The following PCBP3 variants were observed in gnomAD, a reference collection of about 807,000 sequenced individuals.
PCBP3 encodes poly(rC) binding protein 3, also known as poly(rC)-binding protein 3.
In PCBP3, 25 loss-of-function variants were observed where a neutral mutation model predicts 52.7. The observed-to-expected ratio is 0.47, with a 90% CI of 0.35 to 0.66. PCBP3 has a LOEUF of 0.66. Ranked by LOEUF, PCBP3 falls within the 30% of genes least tolerant of loss-of-function variation. PCBP3 has a pLI of 0.01. For synonymous variants in PCBP3, 162 were observed against 183.0 expected, an observed-to-expected ratio of 0.89 and a Z score of 0.93; for missense variants, 391 against 490.3, an observed-to-expected ratio of 0.80 and a Z score of 1.91.
intron 15 of PCBP3, among the ~76,000 whole-genome samples, chr21:45,932,877 G>A (rs1321024252): frequency 1.4e-5 from 2 of 147,092 alleles, no homozygotes; most frequent in East Asian, 4.2e-4. Flanking sequence ...ATGGACACCT[G>A]GTCCATGCCG....
At chr21:45,716,748 TG>T (rs2084252588) in intron 2 of PCBP3, among the ~76,000 whole-genome samples, 1 of 152,176 alleles carries the variant, frequency 6.6e-6, no homozygotes, top group African/African-American at 2.4e-5. Context: ...CATATGACAA[TG>T]TATTGAGTGC....
chr21:45,718,744 T>G (rs1205535330), intron 2 of PCBP3, among the ~76,000 whole-genome samples: 3 of 152,200 alleles, frequency 2.0e-5, no homozygotes, highest in African/African-American at 7.2e-5. Context: ...CTCATTGCTT[T>G]TATGGAGAGG....
chr21:45,701,830 G>T (rs770073101), intron 2 of PCBP3, among the ~76,000 whole-genome samples: 7 of 152,144 alleles, frequency 4.6e-5, no homozygotes, highest in African/African-American at 9.7e-5. Flanking sequence ...AAAGTTCTGG[G>T]ATTACAGGCA....
At chr21:45,907,628 A>T (rs7277632) in intron 9 of PCBP3, among the ~76,000 whole-genome samples, 2 of 152,038 alleles carry the variant, frequency 1.3e-5, no homozygotes, top group Non-Finnish European at 2.9e-5. Flanking sequence ...ATGTGCAACC[A>T]AAAGAATTCT....
chr21:45,764,226 G>T (rs2089048832), intron 4 of PCBP3, among the ~76,000 whole-genome samples: 1 of 151,576 alleles, frequency 6.6e-6, no homozygotes, highest in Admixed American at 6.6e-5. Flanking sequence ...GGGTTCAAGC[G>T]ATTCTCCTGC....
At chr21:45,898,956 T>C (rs1237377790) in intron 6 of PCBP3, among the ~76,000 whole-genome samples, 3 of 151,784 alleles carry the variant, frequency 2.0e-5, no homozygotes, top group African/African-American at 2.4e-5. Flanking sequence ...CACGGGCCCC[T>C]CTGCATGCCG....
chr21:45,911,630 T>TA (rs1249446300), intron 11 of PCBP3, among the ~76,000 whole-genome samples: 4 of 152,114 alleles, frequency 2.6e-5, no homozygotes, highest in African/African-American at 9.7e-5. Context: ...CTCAGAAGTA[T>TA]ACTCAAAATT....
At chr21:45,660,227 TTGTC>T (rs1056381702) in intron 1 of PCBP3, among the ~76,000 whole-genome samples, 30 of 152,260 alleles carry the variant, frequency 2.0e-4, no homozygotes, top group South Asian at 1.4e-3. Flanking sequence ...AAAATATTCT[TTGTC>T]TGTAATAACA....
At chr21:45,790,670 C>T (rs1032389615) in intron 4 of PCBP3, among the ~76,000 whole-genome samples, 8 of 152,042 alleles carry the variant, frequency 5.3e-5, no homozygotes, top group Non-Finnish European at 1.0e-4. Flanking sequence ...ACCCAGGAGA[C>T]GCAAAAGCTG....
intron 4 of PCBP3, among the ~76,000 whole-genome samples, chr21:45,833,802 G>A (rs1374604666): frequency 1.3e-5 from 2 of 152,248 alleles, no homozygotes; most frequent in African/African-American, 4.8e-5. Flanking sequence ...GGGTCACGGA[G>A]GGACCACCTT....
chr21:45,831,622 G>A (rs1051713991), intron 4 of PCBP3, among the ~76,000 whole-genome samples: 1 of 152,132 alleles, frequency 6.6e-6, no homozygotes, highest in Non-Finnish European at 1.5e-5. Flanking sequence ...TTACTGGAAG[G>A]GGGTCCCGAT....
intron 5 of PCBP3, among the ~76,000 whole-genome samples, chr21:45,878,964 G>T (rs536003826): frequency 6.6e-6 from 1 of 152,234 alleles, no homozygotes; most frequent in African/African-American, 2.4e-5. Context: ...GGAACTCTAC[G>T]CAGGGAAAGC....
rs765444066 is a variant in PCBP3 at position 45,722,004 on chromosome 21, G to A, written c.-199-13388G>A. ...CTTTGGCTGAAAATTCTGTTCTTAC[G>A]GCTTTATCTTCAGGAGATAATCGGA... On this transcript the variant is annotated intron_variant, in intron 2 of 17. Coordinates refer to ENST00000681687, the MANE Select transcript of PCBP3 (RefSeq NM_001384156.1). 2.0e-4 allele frequency among the ~76,000 whole-genome samples: 31 copies of A among 152,180 alleles called. 1 individual carries two copies. Among genetic ancestry groups the A allele is most frequent in the South Asian group, 2.1e-4 (1 of 4,810 alleles).
chr21:45,707,116 A>T (rs897153263), intron 2 of PCBP3, among the ~76,000 whole-genome samples: 8 of 152,168 alleles, frequency 5.3e-5, no homozygotes, highest in Non-Finnish European at 1.2e-4. Flanking sequence ...TTCTACTTGG[A>T]AATATTCCCT....
At chr21:45,839,776 T>C (rs1039891211) in intron 4 of PCBP3, among the ~76,000 whole-genome samples, 4 of 152,276 alleles carry the variant, frequency 2.6e-5, no homozygotes, top group Admixed American at 6.5e-5. Flanking sequence ...AGCCTCCGCT[T>C]CCCAGGTTCA....
intron 2 of PCBP3, among the ~76,000 whole-genome samples, chr21:45,721,618 A>T (rs1263265293): frequency 3.3e-5 from 5 of 152,146 alleles, no homozygotes. Context: ...AAGACACCAG[A>T]ATTTCTTATC....
chr21:45,665,479 C>G (rs748333770), intron 1 of PCBP3, among the ~76,000 whole-genome samples: 3 of 152,100 alleles, frequency 2.0e-5, no homozygotes. Flanking sequence ...ATTCATTTAT[C>G]AAATCCAGGA....
chr21:45,895,469 C>T (rs943337022), intron 5 of PCBP3, among the ~76,000 whole-genome samples: 3 of 152,194 alleles, frequency 2.0e-5, no homozygotes, highest in African/African-American at 7.2e-5. Flanking sequence ...GGGTCCCCAC[C>T]GTGCCACACA....
intron 16 of PCBP3, among the ~76,000 whole-genome samples, chr21:45,938,781 G>A (rs908138429): frequency 6.6e-6 from 1 of 152,220 alleles, no homozygotes; most frequent in Non-Finnish European, 1.5e-5. Flanking sequence ...AGTCCAGTGA[G>A]ACAGCTGTCA....
Sources: gnomAD v4.1 joint callset for allele counts (sites outside exome capture counted in the v4.1 genomes callset) on GRCh38, gnomAD v4.1.1 for gene constraint, MANE v1.5 for transcripts, NCBI Gene and HGNC (gene_info 2026-07-23, HGNC 2026-07-21) for gene names.